The following THRB variants were observed in gnomAD, a reference collection of about 807,000 sequenced individuals.
THRB encodes the protein thyroid hormone receptor beta, also known as nuclear receptor subfamily 1 group A member 2.
A neutral mutation model predicts 47.8 loss-of-function variants in THRB; 12 were observed. The observed-to-expected ratio is 0.25, with a 90% confidence interval of 0.16 to 0.41. THRB has a LOEUF of 0.41. Ranked by LOEUF, THRB falls within the 10% of genes least tolerant of loss-of-function variation. The pLI, the probability that THRB is intolerant of heterozygous loss-of-function variation, is 1.00. For missense variants in THRB, 348 were observed against 589.2 expected (o/e 0.59, Z 4.24); for synonymous variants, 218 against 212.2 (o/e 1.03, Z -0.24).
At chr3:24,256,768 G>A (rs928078566) in intron 3 of THRB, among the ~76,000 whole-genome samples, 4 of 152,190 alleles carry the variant, frequency 2.6e-5, no homozygotes, top group Admixed American at 2.6e-4. Context: ...TGAAGGAGAA[G>A]GTGAGGTTAT....
chr3:24,299,977 A>C (rs9860721), intron 2 of THRB, among the ~76,000 whole-genome samples: 3,951 of 151,928 alleles, frequency 0.026, 167 homozygotes, highest in African/African-American at 0.089. Context: ...TTCCTAGACT[A>C]AATGGCATAA....
At chr3:24,423,159 G>A (rs893311471) in intron 1 of THRB, among the ~76,000 whole-genome samples, 1 of 151,804 alleles carries the variant, frequency 6.6e-6, no homozygotes, top group Non-Finnish European at 1.5e-5. Flanking sequence ...AGCCTGAGTC[G>A]GTGACCCCCA....
chr3:24,251,656 T>C (rs2050678709), intron 3 of THRB, among the ~76,000 whole-genome samples: 1 of 152,010 alleles, frequency 6.6e-6, no homozygotes, highest in Non-Finnish European at 1.5e-5. Context: ...CTGAAAATCA[T>C]GGGAAAAACT....
At chr3:24,182,062 G>C (rs887522696) in intron 5 of THRB, among the ~76,000 whole-genome samples, 1 of 152,130 alleles carries the variant, frequency 6.6e-6, no homozygotes, top group African/African-American at 2.4e-5. Flanking sequence ...TTAGCCGGGC[G>C]TGGTGGCGGG....
At position 24,122,808 on chromosome 3, in the gene THRB, A is replaced by G. The variant is rs2148779575; in HGVS notation, c.*76T>C. 5.6e-6 allele frequency: 9 copies of G among 1,604,890 alleles called. No homozygotes were observed. Among genetic ancestry groups the G allele is most frequent in the Non-Finnish European group, 7.7e-6 (9 of 1,171,880 alleles). On this transcript the variant is annotated 3_prime_UTR_variant, in exon 11 of 11. Transcript: ENST00000646209. Reference sequence around the variant, plus strand: ...AATCCCTCCCAACACAAAGAAACAAACAAAAAAGAGCTAGGCAATGGAATG... The same window carrying G: ...AATCCCTCCCAACACAAAGAAACAAGCAAAAAAGAGCTAGGCAATGGAATG...
chr3:24,212,844 C>G (rs939554374), intron 4 of THRB, among the ~76,000 whole-genome samples: 1 of 152,144 alleles, frequency 6.6e-6, no homozygotes, highest in Non-Finnish European at 1.5e-5. Flanking sequence ...CCTCTGTCTT[C>G]TGTATCTAAT....
At chr3:24,388,376 C>T (rs1383319366) in intron 1 of THRB, among the ~76,000 whole-genome samples, 3 of 152,120 alleles carry the variant, frequency 2.0e-5, no homozygotes, top group Admixed American at 6.6e-5. Context: ...TCTGAGTAAA[C>T]CTCCTGCTTA....
At chr3:24,274,495 G>A (rs1443749736) in intron 3 of THRB, among the ~76,000 whole-genome samples, 1 of 152,154 alleles carries the variant, frequency 6.6e-6, no homozygotes, top group East Asian at 1.9e-4. Flanking sequence ...AGCCAGGAAT[G>A]AGTATGTGTC....
At position 24,208,384 on chromosome 3, in the gene THRB, T is replaced by C. The variant is rs1439620187; in HGVS notation, c.23-18050A>G. Among the ~76,000 whole-genome samples the C allele has an allele frequency of 2.0e-5, 3 of 152,210 alleles. No individual in the cohort carries two copies. The South Asian group carries it at 6.2e-4, about 31-fold the overall frequency. On this transcript the variant is annotated intron_variant, in intron 4 of 10. Transcript: ENST00000646209. The stretch of plus-strand genomic sequence containing the variant: ...ATATGGAACGAAAAAAGAGCCCGCA[T>C]TGCCAAGACAATCCTAAGCCAAAAG...
intron 1 of THRB, chr3:24,483,835 C>T (rs1480610744): frequency 6.6e-6 from 1 of 152,300 alleles, no homozygotes; most frequent in Non-Finnish European, 1.5e-5. Flanking sequence ...AGTACAGACA[C>T]ATTGCTGAAA....
intron 5 of THRB, among the ~76,000 whole-genome samples, chr3:24,155,982 G>A (rs918471321): frequency 2.0e-5 from 3 of 152,150 alleles, no homozygotes; most frequent in African/African-American, 4.8e-5. Context: ...CTGCTCAGAT[G>A]TATTATTTTT....
At chr3:24,287,583 T>G (rs1211971535) in intron 3 of THRB, among the ~76,000 whole-genome samples, 1 of 152,190 alleles carries the variant, frequency 6.6e-6, no homozygotes, top group Non-Finnish European at 1.5e-5. Flanking sequence ...CTCTTCCTGG[T>G]CAACTTGAAA....
At chr3:24,276,401 A>T (rs1001353116) in intron 3 of THRB, among the ~76,000 whole-genome samples, 17 of 152,222 alleles carry the variant, frequency 1.1e-4, no homozygotes, top group African/African-American at 3.9e-4. Context: ...GATTATTAGC[A>T]GCCTGAGCTC....
In THRB at chr3:24,117,247, G is replaced by A. The variant is rs1012139811; in HGVS notation, c.*5637C>T. Reference sequence around the variant, plus strand: ...GTGAAGGAGAACCGCTTGCTGTACTGAAATGGGATGTTGTTTTAGATTTAC... The same window carrying A: ...GTGAAGGAGAACCGCTTGCTGTACTAAAATGGGATGTTGTTTTAGATTTAC... On this transcript the variant is annotated 3_prime_UTR_variant, in exon 11 of 11. Coordinates refer to ENST00000646209, the MANE Select transcript of THRB (RefSeq NM_001354712.2). The A allele has an allele frequency of 6.6e-6, 1 of 152,254 alleles. No homozygotes were observed. Among genetic ancestry groups the A allele is most frequent in the Non-Finnish European group, 1.5e-5 (1 of 68,046 alleles). The allele number at this position is 152,254 out of a possible 1,614,324, so 9.4% of individuals were successfully genotyped here. A position where few individuals can be genotyped will look rare whatever the true frequency, so the allele number is the denominator to read the frequency against.
chr3:24,212,601 A>C (rs2046170530), intron 4 of THRB, among the ~76,000 whole-genome samples: 1 of 147,046 alleles, frequency 6.8e-6, no homozygotes, highest in Non-Finnish European at 1.5e-5. Context: ...AAAAAAAAGA[A>C]AGAAAAGAGA....
intron 3 of THRB, among the ~76,000 whole-genome samples, chr3:24,234,018 C>T (rs1224154017): frequency 6.6e-6 from 1 of 152,182 alleles, no homozygotes; most frequent in Non-Finnish European, 1.5e-5. Context: ...GGTCTTTAAG[C>T]TGCAATAAAG....
At chr3:24,460,837 G>A (rs1335408384) in intron 1 of THRB, among the ~76,000 whole-genome samples, 4 of 152,158 alleles carry the variant, frequency 2.6e-5, no homozygotes, top group Non-Finnish European at 5.9e-5. Flanking sequence ...CACTTCATGT[G>A]TTCTCTCATA....
chr3:24,176,979 C>T (rs1160594312), intron 5 of THRB, among the ~76,000 whole-genome samples: 3 of 152,030 alleles, frequency 2.0e-5, no homozygotes, highest in African/African-American at 7.2e-5. Context: ...AAAATAGATG[C>T]AGGGCTACAA....
In THRB at chr3:24,120,323, G is replaced by A. The variant is rs2031457456; in HGVS notation, c.*2561C>T. The A allele has an allele frequency of 6.6e-6, 1 of 152,214 alleles. No individual in the cohort carries two copies. Among genetic ancestry groups the A allele is most frequent in the Non-Finnish European group, 1.5e-5 (1 of 68,054 alleles). 9.4% of individuals were successfully genotyped at this position (152,214 alleles called of 1,614,324 possible). ...TTGAAGGCAATCAATCATTTAAGGT[G>A]CCAAGGATCAAACGTTCCTTTACTT... On this transcript the variant is annotated 3_prime_UTR_variant, in exon 11 of 11. Coordinates refer to ENST00000646209, the MANE Select transcript of THRB (RefSeq NM_001354712.2).
Sources: allele counts gnomAD v4.1 joint callset (sites outside exome capture counted in the v4.1 genomes callset), GRCh38; gene constraint gnomAD v4.1.1; transcripts MANE v1.5; gene names NCBI Gene and HGNC (gene_info 2026-07-23, HGNC 2026-07-21).